Variants in SETD2 observed in about 807,000 individuals in gnomAD.
SETD2 encodes histone-lysine N-methyltransferase SETD2.
In SETD2, 31 loss-of-function variants were observed where a neutral mutation model predicts 242.1. That is an observed-to-expected ratio of 0.13 (90% CI 0.10 to 0.17). The LOEUF (loss-of-function observed/expected upper bound fraction) is 0.17, where lower values mean the gene tolerates loss of function less well. Ranked by LOEUF, SETD2 falls within the 10% of genes least tolerant of loss-of-function variation. The pLI is 1.00. For missense variants in SETD2, 2,481 were observed against 3,046.3 expected, an observed-to-expected ratio of 0.81 and a Z score of 4.37; for synonymous variants, 1,006 against 1,066.5, an observed-to-expected ratio of 0.94 and a Z score of 1.11.
intron 14 of SETD2, among the ~76,000 whole-genome samples, chr3:47,058,191 GGA>G (rs2040158361): frequency 6.6e-6 from 1 of 151,916 alleles, no homozygotes; most frequent in African/African-American, 2.4e-5. Context: ...CAAAAATGAG[GGA>G]GAGGCCAGGC....
chr3:47,099,811 C>G (rs1430185696), intron 8 of SETD2, among the ~76,000 whole-genome samples: 2 of 152,052 alleles, frequency 1.3e-5, no homozygotes, highest in South Asian at 4.1e-4. Context: ...CAAAGAAAAA[C>G]TTCTTCTCAT....
chr3:47,025,828 A>G (rs180722988), intron 18 of SETD2, among the ~76,000 whole-genome samples: 59 of 152,338 alleles, frequency 3.9e-4, no homozygotes, highest in Admixed American at 8.5e-4. Flanking sequence ...AAACTTAAAC[A>G]TAAGACCTAA....
At chr3:47,096,550 C>T (rs1047214665) in intron 9 of SETD2, among the ~76,000 whole-genome samples, 1 of 113,746 alleles carries the variant, frequency 8.8e-6, no homozygotes, top group African/African-American at 3.9e-5. Context: ...CCAGCCTAAG[C>T]AACAGAATGA....
intron 7 of SETD2, 90 bp downstream of exon 7, chr3:47,103,256 C>A (rs989448827): frequency 2.5e-6 from 2 of 802,700 alleles, no homozygotes; most frequent in East Asian, 2.5e-5. Flanking sequence ...CTAAAAAATT[C>A]ATGAGTACCT....
intron 9 of SETD2, among the ~76,000 whole-genome samples, chr3:47,094,334 G>A (rs187050529): frequency 6.6e-6 from 1 of 152,336 alleles, no homozygotes; most frequent in Admixed American, 6.5e-5. Flanking sequence ...GTTAAGGAAA[G>A]AAGCTGTATA....
At position 47,053,045 on chromosome 3, in the gene SETD2, A is replaced by G. The variant is rs866119242; in HGVS notation, c.6963+3776T>C. Among the ~76,000 whole-genome samples, 38 of 151,908 alleles carry G rather than the reference A, an allele frequency of 2.5e-4. No homozygotes were observed. The Middle Eastern group carries it at 0.01, about 41-fold the overall frequency. ...GCTGGTATTACAGGCACCCACCATC[A>G]TGCCCAGCTAATTTTTGTATTTTTG... On this transcript the variant is annotated intron_variant, in intron 15 of 20. Transcript: ENST00000409792.
At chr3:47,023,497 G>A (rs2038332902) in intron 18 of SETD2, among the ~76,000 whole-genome samples, 1 of 152,152 alleles carries the variant, frequency 6.6e-6, no homozygotes, top group Admixed American at 6.5e-5. Context: ...AGCAGGAGGA[G>A]AAGCTGAGCC....
chr3:47,066,411 G>C (rs1027511507), intron 13 of SETD2, among the ~76,000 whole-genome samples: 1 of 152,206 alleles, frequency 6.6e-6, no homozygotes, highest in African/African-American at 2.4e-5. Context: ...ACAGTGGCAC[G>C]ATCATGGCTC....
At chr3:47,102,664 C>T (rs1025412682) in intron 7 of SETD2, among the ~76,000 whole-genome samples, 1 of 151,188 alleles carries the variant, frequency 6.6e-6, no homozygotes, top group African/African-American at 2.4e-5. Flanking sequence ...CGTGATGGCA[C>T]GCACGTGTAA....
chr3:47,106,965 TTA>T (rs1448731490), intron 5 of SETD2, among the ~76,000 whole-genome samples: 3 of 152,230 alleles, frequency 2.0e-5, no homozygotes, highest in African/African-American at 7.2e-5. Context: ...CTTTAGAATG[TTA>T]TCAGTAATTG....
At chr3:47,033,549 G>A (rs11709693) in intron 18 of SETD2, among the ~76,000 whole-genome samples, 144,936 of 152,152 alleles carry the variant, frequency 0.95, 69,458 homozygotes, top group East Asian at 1. Context: ...GTATAGAGAA[G>A]TTAATCTGAT....
chr3:47,028,300 C>T (rs1345607792), intron 18 of SETD2, among the ~76,000 whole-genome samples: 1 of 152,142 alleles, frequency 6.6e-6, no homozygotes, highest in Admixed American at 6.5e-5. Context: ...GCATGGAGTT[C>T]TCAGTGAGCT....
intron 1 of SETD2, among the ~76,000 whole-genome samples, chr3:47,144,337 T>A (rs2043803194): frequency 6.6e-6 from 1 of 151,360 alleles, no homozygotes; most frequent in Non-Finnish European, 1.5e-5. Context: ...CTAAAAAAAA[T>A]TATAAAAATA....
intron 1 of SETD2, among the ~76,000 whole-genome samples, chr3:47,151,781 C>T (rs983260096): frequency 1.4e-5 from 2 of 147,736 alleles, no homozygotes; most frequent in Admixed American, 6.9e-5. Flanking sequence ...GAGCCAAGAT[C>T]GCACCACTGC....
At position 47,139,896 on chromosome 3, in the gene SETD2, T is replaced by C. The variant is rs988305193; in HGVS notation, c.72-13233A>G. On this transcript the variant is annotated intron_variant, in intron 1 of 20. Transcript: ENST00000409792. ...GTAGACTTGATATACAAGCACTCCT[T>C]CTCACTTGTTTAAGTCCACATCTTC... Among the ~76,000 whole-genome samples, 7 of 152,188 alleles carry C rather than the reference T, an allele frequency of 4.6e-5. No homozygotes were observed. In the East Asian group the frequency reaches 1.4e-3, roughly 29 times the overall value.
At chr3:47,074,937 C>A (rs1349017979) in intron 12 of SETD2, among the ~76,000 whole-genome samples, 3 of 151,946 alleles carry the variant, frequency 2.0e-5, no homozygotes, top group African/African-American at 7.3e-5. Flanking sequence ...AGATTGAGAC[C>A]ATCCTGGCTA....
chr3:47,093,284 C>CTTTT (rs67167956), intron 9 of SETD2, among the ~76,000 whole-genome samples: 12 of 133,686 alleles, frequency 9.0e-5, no homozygotes, highest in African/African-American at 2.6e-4. Flanking sequence ...TTTATCCATC[C>CTTTT]TTTTTTTTTT....
intron 3 of SETD2, 38 bp from the exon 4 acceptor site, chr3:47,116,792 T>C: frequency 7.0e-7 from 1 of 1,420,926 alleles, no homozygotes; most frequent in Non-Finnish European, 9.8e-7. Context: ...ATTAAATAAA[T>C]TTCCTGGTAA....
At chr3:47,035,382 C>T (rs1263989599) in intron 18 of SETD2, among the ~76,000 whole-genome samples, 1 of 152,214 alleles carries the variant, frequency 6.6e-6, no homozygotes, top group East Asian at 1.9e-4. Flanking sequence ...GATCAAATCA[C>T]TTTAAAGGTT....
Sources: gnomAD v4.1 joint callset for allele counts (sites outside exome capture counted in the v4.1 genomes callset) on GRCh38, gnomAD v4.1.1 for gene constraint, MANE v1.5 for transcripts, NCBI Gene and HGNC (gene_info 2026-07-23, HGNC 2026-07-21) for gene names.